The following PVT1 variants were observed in gnomAD, a reference collection of about 807,000 sequenced individuals.
The protein encoded by PVT1 is CXCR4/PVT1 fusion.
chr8:127,944,456 GAAC>G (rs1302817256), intron 3 of PVT1, among the ~76,000 whole-genome samples: 1 of 152,080 alleles, frequency 6.6e-6, no homozygotes, highest in Non-Finnish European at 1.5e-5. Flanking sequence ...TGTAAAATGG[GAAC>G]AATAAGAGTA....
At chr8:127,941,162 G>A (rs1816344680) in intron 3 of PVT1, among the ~76,000 whole-genome samples, 1 of 152,170 alleles carries the variant, frequency 6.6e-6, no homozygotes, top group Non-Finnish European at 1.5e-5. Flanking sequence ...CAGCAATGGT[G>A]GGTCCAGTTC....
At chr8:127,875,714 C>T (rs889389042) in intron 2 of PVT1, among the ~76,000 whole-genome samples, 10 of 152,114 alleles carry the variant, frequency 6.6e-5, no homozygotes, top group African/African-American at 2.4e-4. Flanking sequence ...ACAAGGCACC[C>T]TGGGGAGCCT....
intron 3 of PVT1, among the ~76,000 whole-genome samples, chr8:127,913,500 G>A (rs959514943): frequency 1.3e-5 from 2 of 152,208 alleles, no homozygotes; most frequent in Non-Finnish European, 2.9e-5. Flanking sequence ...TTCCATGGGG[G>A]ACAGGGGCAG....
chr8:127,881,435 A>ATAT (rs79735415), intron 2 of PVT1, among the ~76,000 whole-genome samples: 22,954 of 100,614 alleles, frequency 0.23, 1,929 homozygotes, highest in East Asian at 0.47. Context: ...TATTGTTATT[A>ATAT]TATTATTATT....
chr8:127,984,855 T>TTCTTTCTTTCTTTCTTTCTTTC (rs1816929052), intron 3 of PVT1, among the ~76,000 whole-genome samples: 4 of 42,444 alleles, frequency 9.4e-5, no homozygotes, highest in South Asian at 2.1e-3. Flanking sequence ...CTTTCTTTCT[T>TTCTTTCTTTCTTTCTTTCTTTC]TCTTTCTTTC....
chr8:128,001,021 G>T (rs11775145), intron 4 of PVT1, among the ~76,000 whole-genome samples: 4 of 152,106 alleles, frequency 2.6e-5, no homozygotes, highest in African/African-American at 9.7e-5. Context: ...CTCTTGTGAG[G>T]TGTATTTCTG....
chr8:127,863,078 T>TTTTATTTA (rs146647918), intron 2 of PVT1, among the ~76,000 whole-genome samples: 3,987 of 142,068 alleles, frequency 0.028, 73 homozygotes, highest in Middle Eastern at 0.05. Flanking sequence ...CAGTTGCTAG[T>TTTTATTTA]TTTATTTATT....
intron 2 of PVT1, among the ~76,000 whole-genome samples, chr8:127,878,023 GC>G (rs1432847467): frequency 6.6e-6 from 1 of 152,158 alleles, no homozygotes; most frequent in African/African-American, 2.4e-5. Flanking sequence ...ATCTTCAAGT[GC>G]AGGTCCTGCT....
At chr8:127,897,636 A>G (rs1815697345) in intron 3 of PVT1, among the ~76,000 whole-genome samples, 1 of 150,708 alleles carries the variant, frequency 6.6e-6, no homozygotes, top group Admixed American at 6.6e-5. Flanking sequence ...AGAAAGACAG[A>G]CAAAGAAAGA....
intron 2 of PVT1, among the ~76,000 whole-genome samples, chr8:127,857,194 C>G (rs925145211): frequency 2.0e-5 from 3 of 152,058 alleles, no homozygotes; most frequent in African/African-American, 7.2e-5. Flanking sequence ...CCACTGTACT[C>G]CACCCTGGGA....
At chr8:127,952,728 T>G (rs10956399) in intron 3 of PVT1, among the ~76,000 whole-genome samples, 5,814 of 152,196 alleles carry the variant, frequency 0.038, 391 homozygotes, top group African/African-American at 0.13. Flanking sequence ...AGGTCTCATG[T>G]TTTAGAATCA....
intron 3 of PVT1, among the ~76,000 whole-genome samples, chr8:127,970,484 A>G (rs1189928348): frequency 6.6e-6 from 1 of 151,800 alleles, no homozygotes; most frequent in East Asian, 1.9e-4. Flanking sequence ...TATTTTTAAT[A>G]GAGATAGGGT....
At chr8:127,874,437 AGGGATG>A (rs1410871911) in intron 2 of PVT1, among the ~76,000 whole-genome samples, 7 of 152,202 alleles carry the variant, frequency 4.6e-5, no homozygotes, top group Admixed American at 2.6e-4. Context: ...TCCAGAGATC[AGGGATG>A]GTTGCAGCTG....
chr8:127,953,777 T>C (rs997352136), intron 3 of PVT1, among the ~76,000 whole-genome samples: 1 of 152,230 alleles, frequency 6.6e-6, no homozygotes, highest in Non-Finnish European at 1.5e-5. Flanking sequence ...ACTTCCTAGA[T>C]GACTGGAACA....
At chr8:127,928,329 A>ACC (rs35122727) in intron 3 of PVT1, among the ~76,000 whole-genome samples, 2 of 151,630 alleles carry the variant, frequency 1.3e-5, no homozygotes, top group Non-Finnish European at 2.9e-5. Context: ...CTATCCTCTG[A>ACC]CCCCCACCCT....
Position 127,817,530 on chromosome 8 carries a change from T to TAGATATATATATTTAAATAG in PVT1, n.372+21460_372+21461insGATATATATATTTAAATAGA. Among the ~76,000 whole-genome samples the TAGATATATATATTTAAATAG allele has an allele frequency of 6.7e-3, 100 of 14,956 alleles. 3 individuals carry two copies. Among genetic ancestry groups the TAGATATATATATTTAAATAG allele is most frequent in the Non-Finnish European group, 0.031 (93 of 3,034 alleles). 9.8% of individuals were successfully genotyped at this position (14,956 alleles called of 152,430 possible). ...ATTTAAATAGATATATCTATTTAAA[T>TAGATATATATATTTAAATAG]ATATATATATATATATACACACACA... On this transcript the variant is annotated intron_variant and non_coding_transcript_variant, in intron 2 of 10. Transcript: ENST00000651587.
intron 3 of PVT1, among the ~76,000 whole-genome samples, chr8:127,922,015 C>T (rs1249007295): frequency 3.3e-5 from 5 of 151,084 alleles, no homozygotes. Context: ...CATGTGCCAC[C>T]ACGCCCGGTT....
intron 2 of PVT1, among the ~76,000 whole-genome samples, chr8:127,833,231 G>A (rs1323825866): frequency 6.6e-6 from 1 of 152,114 alleles, no homozygotes; most frequent in East Asian, 1.9e-4. Context: ...GTAGGTTTTG[G>A]TCAACAAGCA....
intron 3 of PVT1, among the ~76,000 whole-genome samples, chr8:127,932,114 G>A (rs942113603): frequency 3.3e-5 from 5 of 152,240 alleles, no homozygotes; most frequent in Non-Finnish European, 5.9e-5. Flanking sequence ...GTGGCTGGGT[G>A]GGAACGTCAG....
Sources: gnomAD v4.1 joint callset for allele counts (sites outside exome capture counted in the v4.1 genomes callset) on GRCh38, gnomAD v4.1.1 for gene constraint, MANE v1.5 for transcripts, NCBI Gene and HGNC (gene_info 2026-07-23, HGNC 2026-07-21) for gene names.